Variants in IP6K2 observed in about 807,000 individuals in gnomAD.
IP6K2 encodes inositol hexakisphosphate kinase 2, also known as ATP:1D-myo-inositol-hexakisphosphate phosphotransferase.
Under a neutral mutation model 43.3 loss-of-function variants are expected in IP6K2, and 9 were observed. That is an observed-to-expected ratio of 0.21 (90% confidence interval 0.13 to 0.36). The LOEUF is 0.36. Among genes scored for constraint, IP6K2 ranks in the 10% least tolerant of loss-of-function variants. IP6K2 has a pLI of 1.00. For synonymous variants in IP6K2, 209 were observed against 202.4 expected, an observed-to-expected ratio of 1.03 and a Z score of -0.28; for missense variants, 332 against 538.4, an observed-to-expected ratio of 0.62 and a Z score of 3.79.
intron 1 of IP6K2, among the ~76,000 whole-genome samples, chr3:48,710,565 C>A (rs2080368169): frequency 1.3e-5 from 2 of 152,176 alleles, no homozygotes; most frequent in South Asian, 4.1e-4. Flanking sequence ...CTGTCCCTTA[C>A]CTTTCCCAGG....
intron 1 of IP6K2, among the ~76,000 whole-genome samples, chr3:48,701,797 C>G (rs1297182900): frequency 6.6e-6 from 1 of 152,086 alleles, no homozygotes; most frequent in African/African-American, 2.4e-5. Context: ...GCTTGGGAGG[C>G]TGAGGCACAA....
At chr3:48,691,249 T>C in intron 4 of IP6K2, 58 bp downstream of exon 4, 1 of 1,413,706 alleles carries the variant, frequency 7.1e-7, no homozygotes, top group Non-Finnish European at 9.8e-7. Flanking sequence ...TCCAAGGGAC[T>C]TCCTCATTTC....
intron 1 of IP6K2, among the ~76,000 whole-genome samples, chr3:48,716,014 T>C (rs2107132359): frequency 6.6e-6 from 1 of 152,248 alleles, no homozygotes; most frequent in East Asian, 1.9e-4. Context: ...CTAACTCTGA[T>C]AGTGGCTAAA....
intron 1 of IP6K2, chr3:48,716,461 T>C (rs1470629274): frequency 6.6e-6 from 1 of 152,186 alleles, no homozygotes; most frequent in Admixed American, 6.5e-5. Context: ...AGTTGATATA[T>C]GAGAACGAAT....
intron 2 of IP6K2, 194 bp downstream of exon 2, chr3:48,694,896 A>C: frequency 5.8e-6 from 9 of 1,541,126 alleles, no homozygotes; most frequent in Middle Eastern, 3.3e-4. Context: ...GAATTGAGCA[A>C]TCTTACCAGG....
chr3:48,688,294 T>C lies in IP6K2; in HGVS notation c.1260A>G (p.Ile420Met). 6.2e-7 allele frequency: 1 copy of C among 1,614,068 alleles called. No individual in the cohort carries two copies. The highest frequency in any genetic ancestry group is 8.5e-7 in the Non-Finnish European group (1 of 1,179,930). Residue 420 changes from isoleucine (I) to methionine (M), a missense_variant, in exon 6 of 6, where the codon ATA (isoleucine) becomes ATG (methionine). Physicochemically the swap from Ile to Met is conservative, Grantham distance 10 (BLOSUM62 1). Transcript: ENST00000328631. This position sits in a 1 kb window ranked among gnomAD's most constrained non-coding sequence, Gnocchi z 5.1. ...LQSLIDIVTEISEESGE is the reference protein window; with the variant it reads ...LQSLIDIVTEMSEESGE The stretch of plus-strand genomic sequence containing the variant: ...AAGCTCACTCCCCACTCTCCTCACT[T>C]ATCTCTGTGACAATGTCTATCAGGC...
chr3:48,707,591 C>A (rs552800043), intron 1 of IP6K2, among the ~76,000 whole-genome samples: 16 of 152,124 alleles, frequency 1.1e-4, no homozygotes, highest in Non-Finnish European at 1.9e-4. Flanking sequence ...TGCGCCACCA[C>A]GCCCGGCTAA....
At chr3:48,715,716 T>C (rs9848203) in intron 1 of IP6K2, among the ~76,000 whole-genome samples, 16,524 of 141,026 alleles carry the variant, frequency 0.12, 754 homozygotes, top group African/African-American at 0.18. Flanking sequence ...CTCTCTCTCT[T>C]TTTTTTTTTT....
rs758749794 is a variant in IP6K2 at position 48,688,222 on chromosome 3, G to C, written c.*51C>G. 1.3e-6 allele frequency: 2 copies of C among 1,586,218 alleles called. No homozygotes were observed. Among genetic ancestry groups the C allele is most frequent in the South Asian group, 2.3e-5 (2 of 86,592 alleles). ...CTGGCTTCCTCCCTGACGCAGCACA[G>C]CTGTGCCTGGGACACAGAGTCGCTC... On this transcript the variant is annotated 3_prime_UTR_variant, in exon 6 of 6. Coordinates refer to ENST00000328631, the MANE Select transcript of IP6K2 (RefSeq NM_016291.4). The surrounding 1 kb of genome is among the most constrained non-coding windows in gnomAD (Gnocchi z 5.1).
At chr3:48,711,585 G>C (rs1258132117) in intron 1 of IP6K2, 4 of 152,166 alleles carry the variant, frequency 2.6e-5, no homozygotes, top group Non-Finnish European at 5.9e-5. Context: ...CACTTGCCTG[G>C]AAGAACAGAT....
rs777584179 is a variant in IP6K2 at position 48,695,192 on chromosome 3, G to A, written c.100C>T (p.Arg34Cys). 2.5e-6 allele frequency: 4 copies of A among 1,589,982 alleles called. No homozygotes were observed. The highest frequency in any genetic ancestry group is 3.4e-6 in the Non-Finnish European group (4 of 1,163,032). The change falls in exon 2 of 6, where the codon CGC (arginine) becomes TGC (cysteine). Residue 34 changes from arginine (R) to cysteine (C), a missense_variant. By Grantham distance (180) the Arg-to-Cys change is radical. Transcript: ENST00000328631. The surrounding 1 kb of genome is among the most constrained non-coding windows in gnomAD (Gnocchi z 4.6). ...HQVGGHSCVL[R>C]FNETTLCKPL... ...TTGCACAGGGTTGTCTCATTGAAGC[G>A]GAGCACGCATGAGTGCCCCCCGACC...
At chr3:48,703,561 A>T (rs1425664274) in intron 1 of IP6K2, among the ~76,000 whole-genome samples, 2 of 151,188 alleles carry the variant, frequency 1.3e-5, no homozygotes, top group African/African-American at 4.9e-5. Context: ...AAAAAAAAAA[A>T]AAAAAATTAG....
Position 48,695,401 on chromosome 3 carries a change from T to C in IP6K2, c.-110A>G. The C allele has an allele frequency of 1.4e-6, 2 of 1,449,426 alleles. No individual in the cohort carries two copies. The highest frequency in any genetic ancestry group is 2.8e-5 in the South Asian group (2 of 72,066). The allele number at this position is 1,449,426 out of a possible 1,614,324, so 89.8% of individuals were successfully genotyped here. A position where few individuals can be genotyped will look rare whatever the true frequency, so the allele number is the denominator to read the frequency against. ...TCCCTCTCGTCTTGGCTCCTTGGCT[T>C]GTTCTGGCCAGGATGCTCTGCTGGA... On this transcript the variant is annotated 5_prime_UTR_variant, in exon 2 of 6. Transcript: ENST00000328631. The surrounding 1 kb of genome is among the most constrained non-coding windows in gnomAD (Gnocchi z 4.6).
chr3:48,688,720 C>T lies in IP6K2; in HGVS notation c.834G>A (p.Arg278=). Residue 278 remains arginine (R), a synonymous_variant, in exon 6 of 6, where the codon CGG becomes CGA. Transcript: ENST00000328631. This position sits in a 1 kb window ranked among gnomAD's most constrained non-coding sequence, Gnocchi z 5.1. ...CCTTGAAGCCCTGCACCGATAGCTTCCGTCCATGGTACTTGTTCATGAACA... is the reference window on the plus strand; with the variant it reads ...CCTTGAAGCCCTGCACCGATAGCTTTCGTCCATGGTACTTGTTCATGAACA... ...QLMFMNKYHG[R]KLSVQGFKEA... is the part of the protein sequence containing the mutation. 6.2e-7 allele frequency: 1 copy of T among 1,614,092 alleles called. No homozygotes were observed. Among genetic ancestry groups the T allele is most frequent in the Non-Finnish European group, 8.5e-7 (1 of 1,179,960 alleles).
intron 1 of IP6K2, among the ~76,000 whole-genome samples, chr3:48,711,026 A>G (rs551153112): frequency 1.3e-5 from 2 of 152,216 alleles, no homozygotes; most frequent in East Asian, 3.9e-4. Context: ...CTCCCATCTC[A>G]GCCTCCCAAG....
At chr3:48,707,644 G>A (rs2079965652) in intron 1 of IP6K2, among the ~76,000 whole-genome samples, 1 of 152,042 alleles carries the variant, frequency 6.6e-6, no homozygotes, top group Admixed American at 6.6e-5. Flanking sequence ...TTCCATGTTG[G>A]ACAGGCTGGT....
At chr3:48,701,567 CAAAAAAAA>C (rs67509214) in intron 1 of IP6K2, among the ~76,000 whole-genome samples, 1 of 47,448 alleles carries the variant, frequency 2.1e-5, no homozygotes, top group Non-Finnish European at 3.4e-5. Context: ...GACTCCGTCT[CAAAAAAAA>C]AAAAAAAAAA....
intron 1 of IP6K2, chr3:48,715,198 A>C (rs2081055467): frequency 9.7e-7 from 1 of 1,033,466 alleles, no homozygotes. Context: ...TCTAATGTAT[A>C]AGAGTGTGTT....
chr3:48,689,416 T>A (rs1181338614), intron 5 of IP6K2, 122 bp downstream of exon 5: 12 of 1,008,878 alleles, frequency 1.2e-5, no homozygotes, highest in Non-Finnish European at 1.7e-5. Context: ...ACCCCCAAAG[T>A]GCTGGGATTA....
Sources: gnomAD v4.1 joint callset for allele counts (sites outside exome capture counted in the v4.1 genomes callset) on GRCh38, gnomAD v4.1.1 for gene constraint, Gnocchi (gnomAD v3.1) non-coding constraint, MANE v1.5 for transcripts, NCBI Gene and HGNC (gene_info 2026-07-23, HGNC 2026-07-21) for gene names.